The following HAUS2 variants were observed in gnomAD, a reference collection of about 807,000 sequenced individuals.
The protein encoded by HAUS2 is HAUS augmin-like complex subunit 2.
In HAUS2, 20 loss-of-function variants were observed where a neutral mutation model predicts 21.6. The observed-to-expected ratio is 0.93, with a 90% CI of 0.65 to 1.35. The LOEUF is 1.35. Among genes scored for constraint, HAUS2 ranks in the 40% most tolerant of loss-of-function variants. The pLI is 0.00. For missense variants in HAUS2, 297 were observed against 280.7 expected (o/e 1.06, Z -0.42); for synonymous variants, 113 against 95.6 (o/e 1.18, Z -1.06).
intron 4 of HAUS2, 84 bp from the exon 5 acceptor site, chr15:42,563,660 CAAATT>C (rs1293903486): frequency 3.2e-5 from 24 of 747,656 alleles, no homozygotes; most frequent in Non-Finnish European, 4.3e-5. Context: ...ATTCTTATCT[CAAATT>C]AAAAGTCCTG....
intron 1 of HAUS2, among the ~76,000 whole-genome samples, chr15:42,549,616 T>A (rs965193177): frequency 1.3e-5 from 2 of 151,346 alleles, no homozygotes; most frequent in Admixed American, 1.3e-4. Context: ...CCAGCTAATT[T>A]TTTTTTGTAT....
chr15:42,551,433 G>C lies in HAUS2; in HGVS notation c.93+2468G>C, dbSNP rs544654516. Among the ~76,000 whole-genome samples the C allele has an allele frequency of 5.3e-4, 81 of 152,010 alleles. 1 individual carries two copies. The highest frequency in any genetic ancestry group is 9.4e-4 in the Non-Finnish European group (64 of 67,978). On this transcript the variant is annotated intron_variant, in intron 1 of 5. Transcript: ENST00000260372. ...AGGCGGGTGGATCACCTGAGGTCAG[G>C]AGTTTGAGATCAGCTGGGCCAACAT...
chr15:42,549,175 CTG>C (rs370112748), intron 1 of HAUS2, among the ~76,000 whole-genome samples: 1 of 152,258 alleles, frequency 6.6e-6, no homozygotes, highest in African/African-American at 2.4e-5. Flanking sequence ...TTAGGGTAGA[CTG>C]TGTTTTGAGT....
rs2057927618 is a variant in HAUS2, at chr15:42,568,408, C to CT, written c.*1596dup. On this transcript the variant is annotated 3_prime_UTR_variant, in exon 6 of 6. Transcript: ENST00000260372. ...AAAGATATATGGGTCTAAACTTAGC[C>CT]TTTTATCATGAGCCCACTCCCAAGA... The CT allele has an allele frequency of 6.6e-6, 1 of 152,198 alleles. No individual in the cohort carries two copies. Among genetic ancestry groups the CT allele is most frequent in the Non-Finnish European group, 1.5e-5 (1 of 68,052 alleles). The allele number at this position is 152,198 out of a possible 1,614,324, so 9.4% of individuals were successfully genotyped here. A position where few individuals can be genotyped will look rare whatever the true frequency, so the allele number is the denominator to read the frequency against.
chr15:42,549,100 C>T (rs1057004444), intron 1 of HAUS2, 135 bp downstream of exon 1: 3 of 585,950 alleles, frequency 5.1e-6, no homozygotes, highest in East Asian at 5.8e-5. Context: ...AGAGCCCCTT[C>T]CAGGCAACAG....
chr15:42,550,569 A>G (rs2057714362), intron 1 of HAUS2, among the ~76,000 whole-genome samples: 1 of 152,160 alleles, frequency 6.6e-6, no homozygotes, highest in African/African-American at 2.4e-5. Context: ...TTGAACACCC[A>G]TTGTCTGGGT....
chr15:42,559,325 T>G lies in HAUS2; in HGVS notation c.187-14T>G. ...TTCTGATTGAGCTAAATGTTACTTT[T>G]GTTCCTCATGTAGAAAAACCTGGAA... On this transcript the variant is annotated splice_polypyrimidine_tract_variant and intron_variant, in intron 2 of 5. Transcript: ENST00000260372. 6.6e-7 allele frequency: 1 copy of G among 1,516,764 alleles called. No individual in the cohort carries two copies. Among genetic ancestry groups the G allele is most frequent in the Non-Finnish European group, 9.2e-7 (1 of 1,091,270 alleles). 94.0% of individuals were successfully genotyped at this position (1,516,764 alleles called of 1,614,324 possible).
intron 2 of HAUS2, 112 bp downstream of exon 2, chr15:42,558,402 A>ACTGCAAACTCCGCCTCC: frequency 1.8e-6 from 1 of 548,956 alleles, no homozygotes; most frequent in Non-Finnish European, 3.2e-6. Context: ...ATCTCGGCTC[A>ACTGCAAACTCCGCCTCC]CTGCAAACTC....
intron 4 of HAUS2, among the ~76,000 whole-genome samples, chr15:42,563,410 C>CAAAAAA (rs745358598): frequency 2.5e-4 from 15 of 58,972 alleles, no homozygotes; most frequent in South Asian, 5.7e-4. Context: ...GACTCCATCT[C>CAAAAAA]AAAAAAAAAA....
chr15:42,551,180 G>A (rs2057722311), intron 1 of HAUS2, among the ~76,000 whole-genome samples: 1 of 151,364 alleles, frequency 6.6e-6, no homozygotes, highest in African/African-American at 2.4e-5. Context: ...TAGAGACGGG[G>A]TTTCACCATT....
rs920706886 is a variant in HAUS2 at position 42,561,603 on chromosome 15, G to T, written c.389+201G>T. The T allele has an allele frequency of 1.1e-5, 5 of 456,712 alleles. No homozygotes were observed. In the East Asian group the frequency reaches 1.6e-4, roughly 15 times the overall value. The allele number at this position is 456,712 out of a possible 1,614,324, so 28.3% of individuals were successfully genotyped here. ...GGCAAAAAGGAAGAACTTGGCCATCGTGTTTTGGGAATTATAAATTATGAG... is the reference window on the plus strand; with the variant it reads ...GGCAAAAAGGAAGAACTTGGCCATCTTGTTTTGGGAATTATAAATTATGAG... On this transcript the variant is annotated intron_variant, in intron 4 of 5. Transcript: ENST00000260372.
At chr15:42,559,748 A>G (rs907472442) in intron 3 of HAUS2, among the ~76,000 whole-genome samples, 3 of 152,120 alleles carry the variant, frequency 2.0e-5, no homozygotes, top group South Asian at 2.1e-4. Flanking sequence ...GGGTCTTCCT[A>G]TGTTGCCTAG....
rs765341901 is a variant in HAUS2 at position 42,559,434 on chromosome 15, T to C, written c.256+26T>C. On this transcript the variant is annotated intron_variant, in intron 3 of 5. Transcript: ENST00000260372. The stretch of plus-strand genomic sequence containing the variant: ...GTAAGTGGTTTGGTTAAGTGGATAA[T>C]CACTGGAATTTCAACTTTTTCTTGG... 4.5e-6 allele frequency: 6 copies of C among 1,346,538 alleles called. No homozygotes were observed. The South Asian group carries it at 7.0e-5, about 16-fold the overall frequency. 83.4% of individuals were successfully genotyped at this position (1,346,538 alleles called of 1,614,324 possible). A position where few individuals can be genotyped will look rare whatever the true frequency, so the allele number is the denominator to read the frequency against.
Position 42,561,390 on chromosome 15 carries a change from CT to C in HAUS2, c.378del (p.Val127PhefsTer14). Reference sequence around the variant, plus strand: ...TGCCAGGAAAACTTACCTATTGAAGCTGTTTATCACAGGTTAGACTGAAAAG... The same window carrying C: ...TGCCAGGAAAACTTACCTATTGAAGCGTTTATCACAGGTTAGACTGAAAAG... ...PMCQENLPIE[A>X]VYHRYMVHLL... On this transcript the variant is annotated frameshift_variant, in exon 4 of 6. Coordinates refer to ENST00000260372, the MANE Select transcript of HAUS2 (RefSeq NM_018097.3). LOFTEE classifies it high-confidence loss of function. The C allele has an allele frequency of 6.2e-7, 1 of 1,604,414 alleles. No individual in the cohort carries two copies. The highest frequency in any genetic ancestry group is 1.1e-5 in the South Asian group (1 of 90,870).
At chr15:42,564,151 A>G (rs11633112) in intron 5 of HAUS2, among the ~76,000 whole-genome samples, 17,525 of 151,762 alleles carry the variant, frequency 0.12, 1,144 homozygotes, top group Non-Finnish European at 0.15. Context: ...CTGTAATTCC[A>G]GCTACCCGGG....
chr15:42,560,559 T>C (rs140194386), intron 3 of HAUS2, among the ~76,000 whole-genome samples: 152 of 152,220 alleles, frequency 1.0e-3, no homozygotes, highest in African/African-American at 3.5e-3. Context: ...GAAAGGTCAA[T>C]TGGCAGCCAT....
At chr15:42,561,714 T>C in intron 4 of HAUS2, 1 of 242,006 alleles carries the variant, frequency 4.1e-6, no homozygotes, top group Non-Finnish European at 8.2e-6. Flanking sequence ...AGTACATTCA[T>C]TGTTGAGTTA....
chr15:42,549,119 G>T (rs1474977372), intron 1 of HAUS2, among the ~76,000 whole-genome samples, 154 bp downstream of exon 1: 1 of 152,238 alleles, frequency 6.6e-6, no homozygotes, highest in African/African-American at 2.4e-5. Flanking sequence ...AGCCGCGAAC[G>T]TTCTGCCGTG....
intron 1 of HAUS2, among the ~76,000 whole-genome samples, chr15:42,555,232 C>T (rs1243102228): frequency 6.6e-6 from 1 of 151,960 alleles, no homozygotes; most frequent in Non-Finnish European, 1.5e-5. Context: ...GTGATCTGCC[C>T]ACCTCGGCCT....
Sources: allele counts gnomAD v4.1 joint callset (sites outside exome capture counted in the v4.1 genomes callset), GRCh38; gene constraint gnomAD v4.1.1; transcripts MANE v1.5; gene names NCBI Gene and HGNC (gene_info 2026-07-23, HGNC 2026-07-21).